Variants in ABLIM2 observed in about 807,000 individuals in gnomAD.
The protein encoded by ABLIM2 is actin-binding LIM protein 2.
A neutral mutation model predicts 97.7 loss-of-function variants in ABLIM2; 53 were observed. The ratio of observed to expected loss-of-function variants is 0.54; its 90% CI spans 0.44 to 0.68. The LOEUF (loss-of-function observed/expected upper bound fraction) is 0.68. Among genes scored for constraint, ABLIM2 ranks in the 30% least tolerant of loss-of-function variants. The pLI, the probability that ABLIM2 is intolerant of heterozygous loss-of-function variation, is 0.00. For missense variants in ABLIM2, 835 were observed against 867.2 expected, an observed-to-expected ratio of 0.96 and a Z score of 0.47; for synonymous variants, 361 against 345.8, an observed-to-expected ratio of 1.04 and a Z score of -0.49.
chr4:8,061,041 T>G lies in ABLIM2; in HGVS notation c.689A>C (p.His230Pro). 6.3e-7 allele frequency: 1 copy of G among 1,593,050 alleles called. No homozygotes were observed. The change falls in exon 7 of 21, where the codon CAC becomes CCC. Residue 230 changes from histidine (H) to proline (P), a missense_variant. By Grantham distance (77) the His-to-Pro change is moderately conservative (BLOSUM62 -2). Coordinates refer to ENST00000447017, the MANE Select transcript of ABLIM2 (RefSeq NM_001130083.2). This position sits in a 1 kb window ranked among gnomAD's most constrained non-coding sequence, Gnocchi z 4.5. ...ACATAGCGCGCAGGAAGGGTGGTAG[T>G]GCTTCTCTCCGGCCTGTAAGAAAAG... The part of the protein sequence containing the change: ...TGRVLEAGEK[H>P]YHPSCALCVR...
Position 7,986,560 on chromosome 4 carries a change from C to T in ABLIM2, c.1681-1667G>A, listed in dbSNP as rs968017491. On this transcript the variant is annotated intron_variant, in intron 17 of 20. Coordinates refer to ENST00000447017, the MANE Select transcript of ABLIM2 (RefSeq NM_001130083.2). This position sits in a 1 kb window ranked among gnomAD's most constrained non-coding sequence, Gnocchi z 4.3. ...ATTAAACTTATCCTGACTGCATTTT[C>T]TTCTTTAGTGCCTTGCTCCCTCACT... Among the ~76,000 whole-genome samples, 1 of 152,186 alleles carries T rather than the reference C, an allele frequency of 6.6e-6. No homozygotes were observed. Among genetic ancestry groups the T allele is most frequent in the Non-Finnish European group, 1.5e-5 (1 of 68,032 alleles).
At chr4:8,131,224 AG>A (rs1849308834) in intron 1 of ABLIM2, among the ~76,000 whole-genome samples, 1 of 152,196 alleles carries the variant, frequency 6.6e-6, no homozygotes, top group Admixed American at 6.5e-5. Flanking sequence ...ACAATTTCTC[AG>A]CCAACCACAT....
Position 8,127,503 on chromosome 4 carries a change from T to C in ABLIM2, c.11-20866A>G. The C allele has an allele frequency of 7.8e-7, 1 of 1,289,596 alleles. No homozygotes were observed. Among genetic ancestry groups the C allele is most frequent in the Non-Finnish European group, 1.0e-6 (1 of 988,718 alleles). The allele number at this position is 1,289,596 out of a possible 1,614,324, so 79.9% of individuals were successfully genotyped here. ...GAAGCTGACTCATGGAGCTCACGGCTCCCAGCCGGATGGTCTGGGCAAAAG... is the reference window on the plus strand; with the variant it reads ...GAAGCTGACTCATGGAGCTCACGGCCCCCAGCCGGATGGTCTGGGCAAAAG... On this transcript the variant is annotated intron_variant, in intron 1 of 20. Coordinates refer to ENST00000447017, the MANE Select transcript of ABLIM2 (RefSeq NM_001130083.2). This position sits in a 1 kb window ranked among gnomAD's most constrained non-coding sequence, Gnocchi z 7.3.
chr4:8,097,328 C>T, intron 2 of ABLIM2, 46 bp from the exon 3 acceptor site: 2 of 1,544,916 alleles, frequency 1.3e-6, no homozygotes, highest in Non-Finnish European at 1.7e-6. Context: ...AGGGGACCAT[C>T]TCCACGTCCC....
chr4:8,091,635 A>G (rs867335738), intron 3 of ABLIM2, among the ~76,000 whole-genome samples: 1,287 of 67,634 alleles, frequency 0.019, 216 homozygotes, highest in Non-Finnish European at 0.022. Context: ...AAAATTATAT[A>G]TATAATTTTA....
At chr4:8,047,095 G>A (rs901600337) in intron 8 of ABLIM2, among the ~76,000 whole-genome samples, 1 of 152,200 alleles carries the variant, frequency 6.6e-6, no homozygotes, top group African/African-American at 2.4e-5. Context: ...GCACACCAGC[G>A]AGGATGGGCA....
chr4:8,116,867 G>T (rs1302170723), intron 1 of ABLIM2, among the ~76,000 whole-genome samples: 1 of 152,192 alleles, frequency 6.6e-6, no homozygotes, highest in Non-Finnish European at 1.5e-5. Flanking sequence ...TCTGGAACTT[G>T]CCCACCAAGC....
chr4:8,006,381 G>A (rs552009466), intron 16 of ABLIM2, among the ~76,000 whole-genome samples: 2 of 152,308 alleles, frequency 1.3e-5, no homozygotes, highest in East Asian at 3.9e-4. Context: ...GTCATCAAGT[G>A]GGGGAGGTCA....
intron 8 of ABLIM2, among the ~76,000 whole-genome samples, chr4:8,045,965 T>G (rs1028296129): frequency 1.3e-5 from 2 of 152,176 alleles, no homozygotes; most frequent in African/African-American, 2.4e-5. Flanking sequence ...CCATGCCCTC[T>G]GACCCTCCAT....
At position 8,058,943 on chromosome 4, in the gene ABLIM2, C is replaced by G. The variant is rs909256686; in HGVS notation, c.763+2024G>C. ...GGTCAGTTCAGCAAGAAGCCCAGTA[C>G]CTCGAGCGACTTTCCACCTGCTGCC... is the stretch of plus-strand genomic sequence containing the variant. On this transcript the variant is annotated intron_variant, in intron 7 of 20. Transcript: ENST00000447017. The surrounding 1 kb of genome is among the most constrained non-coding windows in gnomAD (Gnocchi z 4.2). Among the ~76,000 whole-genome samples the G allele has an allele frequency of 1.3e-5, 2 of 152,128 alleles. No homozygotes were observed. Among genetic ancestry groups the G allele is most frequent in the African/African-American group, 2.4e-5 (1 of 41,430 alleles).
intron 7 of ABLIM2, among the ~76,000 whole-genome samples, chr4:8,055,943 T>C (rs1301321684): frequency 6.6e-6 from 1 of 151,906 alleles, no homozygotes; most frequent in Non-Finnish European, 1.5e-5. Context: ...TGAAACCCCA[T>C]CTCTATCAAA....
At chr4:8,153,443 G>A (rs1713796655) in intron 1 of ABLIM2, among the ~76,000 whole-genome samples, 1 of 152,244 alleles carries the variant, frequency 6.6e-6, no homozygotes, top group Non-Finnish European at 1.5e-5. Flanking sequence ...GCTTGGGGGT[G>A]ACCAGGTTAA....
Position 8,032,555 on chromosome 4 carries a change from AGGCCCTTCCCGGGAGTGC to A in ABLIM2, c.1048-2797_1048-2780del, listed in dbSNP as rs1205806320. ...GCCCCATGGTGAAGAGCCACCGAGG[AGGCCCTTCCCGGGAGTGC>A]GGCTGGGTGGTTATGTTTATAACCC... is the stretch of plus-strand genomic sequence containing the variant. On this transcript the variant is annotated intron_variant, in intron 10 of 20. Coordinates refer to ENST00000447017, the MANE Select transcript of ABLIM2 (RefSeq NM_001130083.2). The surrounding 1 kb of genome is among the most constrained non-coding windows in gnomAD (Gnocchi z 4.3). The A allele has an allele frequency of 8.5e-6, 13 of 1,522,998 alleles. No individual in the cohort carries two copies. Among genetic ancestry groups the A allele is most frequent in the Non-Finnish European group, 1.2e-5 (13 of 1,104,018 alleles). 94.3% of individuals were successfully genotyped at this position (1,522,998 alleles called of 1,614,324 possible).
At position 7,967,438 on chromosome 4, in the gene ABLIM2, A is replaced by C. The variant is rs554253914; in HGVS notation, c.1825-335T>G. ...ACCCCCACCTGCGTGCAAATGTCTG[A>C]GCTTTTATAGATTTCCTTCAGTGGT... On this transcript the variant is annotated intron_variant, in intron 20 of 20. Transcript: ENST00000447017. 9.9e-5 allele frequency among the ~76,000 whole-genome samples: 15 copies of C among 152,278 alleles called. No individual in the cohort carries two copies. The South Asian group carries it at 3.1e-3, about 32-fold the overall frequency.
At chr4:8,146,199 C>T (rs2152952772) in intron 1 of ABLIM2, among the ~76,000 whole-genome samples, 1 of 152,322 alleles carries the variant, frequency 6.6e-6, no homozygotes, top group South Asian at 2.1e-4. Context: ...TTATCAGCAG[C>T]TGTCAAAGTA....
chr4:7,984,411 C>T (rs760529258), intron 18 of ABLIM2, among the ~76,000 whole-genome samples: 3 of 152,216 alleles, frequency 2.0e-5, no homozygotes, highest in Admixed American at 6.5e-5. Context: ...ACCAGGTGGC[C>T]GCTCTGGTAA....
At chr4:7,993,022 G>C in intron 16 of ABLIM2, 95 bp from the exon 17 acceptor site, 2 of 1,336,358 alleles carry the variant, frequency 1.5e-6, no homozygotes, top group South Asian at 1.2e-5. Flanking sequence ...GGTGGGCAAG[G>C]CTGGGCAAGC....
chr4:7,981,231 C>A (rs151160327), intron 20 of ABLIM2, among the ~76,000 whole-genome samples: 1 of 152,206 alleles, frequency 6.6e-6, no homozygotes, highest in Non-Finnish European at 1.5e-5. Flanking sequence ...GCATGAGCCA[C>A]CACGCCCAGT....
At chr4:8,081,884 G>A (rs756377779) in intron 4 of ABLIM2, among the ~76,000 whole-genome samples, 5 of 152,154 alleles carry the variant, frequency 3.3e-5, no homozygotes, top group Admixed American at 6.5e-5. Context: ...GATCACACAC[G>A]TCCTCACTCC....
Sources: gnomAD v4.1 joint callset for allele counts (sites outside exome capture counted in the v4.1 genomes callset) on GRCh38, gnomAD v4.1.1 for gene constraint, Gnocchi (gnomAD v3.1) non-coding constraint, MANE v1.5 for transcripts, NCBI Gene and HGNC (gene_info 2026-07-23, HGNC 2026-07-21) for gene names.